Variants in KALRN observed in about 807,000 individuals in gnomAD.
KALRN encodes kalirin.
Under a neutral mutation model 353.7 loss-of-function variants are expected in KALRN, and 70 were observed. That is an observed-to-expected ratio of 0.20 (90% CI 0.16 to 0.24). The LOEUF is 0.24. KALRN is among the 10% of genes least tolerant of loss of function. KALRN has a pLI of 1.00. For missense variants in KALRN, 2,791 were observed against 3,756.7 expected (o/e 0.74, Z 6.72); for synonymous variants, 1,391 against 1,434.8 (o/e 0.97, Z 0.69).
intron 10 of KALRN, among the ~76,000 whole-genome samples, chr3:124,349,945 G>T (rs1243110569): frequency 6.6e-6 from 1 of 152,156 alleles, no homozygotes; most frequent in African/African-American, 2.4e-5. Context: ...TGTAGTACGT[G>T]GGGTGGTCTG....
intron 30 of KALRN, 35 bp from the exon 31 acceptor site, chr3:124,491,288 C>T: frequency 6.7e-7 from 1 of 1,487,044 alleles, no homozygotes; most frequent in Non-Finnish European, 9.1e-7. Flanking sequence ...CTGCCCTCCC[C>T]TTCCCCGCCT....
intron 6 of KALRN, among the ~76,000 whole-genome samples, chr3:124,312,261 A>G (rs1165327605): frequency 6.6e-6 from 1 of 152,132 alleles, no homozygotes; most frequent in Non-Finnish European, 1.5e-5. Flanking sequence ...CCCGGGTTCA[A>G]GTGATTCTTA....
chr3:124,601,562 T>C (rs1298503386), intron 34 of KALRN, among the ~76,000 whole-genome samples: 2 of 152,210 alleles, frequency 1.3e-5, no homozygotes, highest in Non-Finnish European at 2.9e-5. Flanking sequence ...TCCCAGTGTG[T>C]TGGATTCTTA....
intron 6 of KALRN, among the ~76,000 whole-genome samples, chr3:124,315,158 G>A (rs1027175496): frequency 3.3e-5 from 5 of 152,148 alleles, no homozygotes; most frequent in African/African-American, 1.2e-4. Context: ...ACATTTCTCC[G>A]ACCTCAAGAG....
intron 34 of KALRN, among the ~76,000 whole-genome samples, chr3:124,624,771 A>T (rs951116010): frequency 1.2e-4 from 19 of 152,148 alleles, no homozygotes; most frequent in Admixed American, 2.0e-4. Flanking sequence ...GAGGGGGAAA[A>T]TTGCCTGATA....
At chr3:124,444,777 G>A (rs1231388335) in intron 19 of KALRN, among the ~76,000 whole-genome samples, 4 of 134,158 alleles carry the variant, frequency 3.0e-5, no homozygotes, top group African/African-American at 1.1e-4. Flanking sequence ...TCCATCTTGG[G>A]TGACAGAGCA....
At chr3:124,711,498 G>A (rs538543357) in intron 57 of KALRN, among the ~76,000 whole-genome samples, 6 of 152,260 alleles carry the variant, frequency 3.9e-5, no homozygotes, top group South Asian at 2.1e-4. Flanking sequence ...TCCTCTGCTC[G>A]TGGGTTAGGA....
At chr3:124,455,547 T>C (rs9861222) in intron 22 of KALRN, among the ~76,000 whole-genome samples, 188 bp downstream of exon 22, 4,101 of 152,318 alleles carry the variant, frequency 0.027, 198 homozygotes, top group African/African-American at 0.092. Flanking sequence ...CCATTAACCT[T>C]CAGTCCCCTG....
chr3:124,426,944 G>A (rs998298127), intron 15 of KALRN, among the ~76,000 whole-genome samples: 1 of 152,234 alleles, frequency 6.6e-6, no homozygotes, highest in Non-Finnish European at 1.5e-5. Context: ...TTTATAAAAT[G>A]TTGTGTCTCT....
intron 33 of KALRN, among the ~76,000 whole-genome samples, chr3:124,556,258 A>G (rs1191007172): frequency 6.6e-6 from 1 of 152,256 alleles, no homozygotes; most frequent in Non-Finnish European, 1.5e-5. Context: ...CCACAGTTCC[A>G]GCAAGCAAAG....
Position 124,586,879 on chromosome 3 carries a change from T to C in KALRN, c.5182+23790T>C, listed in dbSNP as rs372627348. On this transcript the variant is annotated intron_variant, in intron 34 of 59. Transcript: ENST00000682506. Reference sequence around the variant, plus strand: ...ACTCTCCAAAGAAAACTCCTGCCTGTGGCTAGGCTGGGGGTCGTGTCTGAG... The same window carrying C: ...ACTCTCCAAAGAAAACTCCTGCCTGCGGCTAGGCTGGGGGTCGTGTCTGAG... Among the ~76,000 whole-genome samples, 93 of 152,246 alleles carry C rather than the reference T, an allele frequency of 6.1e-4. 4 individuals are homozygous for C. The East Asian group carries it at 0.01, about 17-fold the overall frequency.
intron 1 of KALRN, among the ~76,000 whole-genome samples, chr3:124,190,398 G>C (rs2074775259): frequency 6.6e-6 from 1 of 152,110 alleles, no homozygotes; most frequent in Non-Finnish European, 1.5e-5. Flanking sequence ...ATTCATCTGT[G>C]GGCATTGGAG....
chr3:124,455,586 G>A (rs564683683), intron 22 of KALRN, among the ~76,000 whole-genome samples: 2 of 152,218 alleles, frequency 1.3e-5, no homozygotes, highest in Admixed American at 6.5e-5. Context: ...TTACAAAATC[G>A]ACTGGCCAGT....
At chr3:124,049,846 A>G (rs2040861050) in intron 1 of KALRN, among the ~76,000 whole-genome samples, 1 of 152,240 alleles carries the variant, frequency 6.6e-6, no homozygotes, top group Admixed American at 6.5e-5. Context: ...ATGTGCAAAG[A>G]AACTGTAGCT....
At chr3:124,058,484 T>C (rs1290259642) in intron 1 of KALRN, among the ~76,000 whole-genome samples, 1 of 152,184 alleles carries the variant, frequency 6.6e-6, no homozygotes, top group Non-Finnish European at 1.5e-5. Flanking sequence ...CTTTGTGCTT[T>C]TATTCAGTAA....
intron 1 of KALRN, among the ~76,000 whole-genome samples, chr3:124,224,746 G>C (rs982046036): frequency 2.6e-5 from 4 of 152,192 alleles, no homozygotes; most frequent in Non-Finnish European, 5.9e-5. Flanking sequence ...AATGAATCTT[G>C]TTAGGGAATT....
chr3:124,225,955 A>C (rs2078443065), intron 1 of KALRN, among the ~76,000 whole-genome samples: 1 of 152,220 alleles, frequency 6.6e-6, no homozygotes, highest in African/African-American at 2.4e-5. Flanking sequence ...AGAAGACAGG[A>C]CTGAAATTTA....
chr3:124,580,003 G>A (rs1464581044), intron 34 of KALRN, among the ~76,000 whole-genome samples: 1 of 152,182 alleles, frequency 6.6e-6, no homozygotes, highest in Non-Finnish European at 1.5e-5. Context: ...ACAAGTCAAG[G>A]TGCTGTTACA....
intron 33 of KALRN, among the ~76,000 whole-genome samples, chr3:124,514,705 C>T (rs1029860622): frequency 1.3e-5 from 2 of 152,178 alleles, no homozygotes; most frequent in East Asian, 1.9e-4. Context: ...ATCCATTATG[C>T]ACACTGCCTT....
Sources: allele counts gnomAD v4.1 joint callset (sites outside exome capture counted in the v4.1 genomes callset), GRCh38; gene constraint gnomAD v4.1.1; transcripts MANE v1.5; gene names NCBI Gene and HGNC (gene_info 2026-07-23, HGNC 2026-07-21).